The following TMC1 variants were observed in gnomAD, a reference collection of about 807,000 sequenced individuals.
TMC1 encodes transmembrane channel-like protein 1.
TMC1 carries 84 observed loss-of-function variants against 105.8 expected under a neutral mutation model. That is an observed-to-expected ratio of 0.79 (90% CI 0.67 to 0.95). The LOEUF (loss-of-function observed/expected upper bound fraction) is 0.95, where lower values mean the gene tolerates loss of function less well. TMC1 is among the 40% of genes least tolerant of loss of function. The probability of loss-of-function intolerance (pLI) is 0.00; values close to 1 mark genes in which losing one functional copy is unlikely to be tolerated. For synonymous variants in TMC1, 315 were observed against 311.5 expected, an observed-to-expected ratio of 1.01 and a Z score of -0.12; for missense variants, 817 against 914.1, an observed-to-expected ratio of 0.89 and a Z score of 1.37.
At chr9:72,802,223 G>T (rs1828484840) in intron 17 of TMC1, among the ~76,000 whole-genome samples, 1 of 150,150 alleles carries the variant, frequency 6.7e-6, no homozygotes, top group Non-Finnish European at 1.5e-5. Context: ...CAAGACCCCT[G>T]TCTCTACATA....
chr9:72,655,931 T>C, intron 5 of TMC1: 1 of 798,900 alleles, frequency 1.3e-6, no homozygotes, highest in South Asian at 1.3e-5. Context: ...AGTCAATGAG[T>C]CGCTTGTGGA....
chr9:72,769,519 C>A (rs1159736147), intron 12 of TMC1, among the ~76,000 whole-genome samples: 1 of 152,208 alleles, frequency 6.6e-6, no homozygotes, highest in Non-Finnish European at 1.5e-5. Flanking sequence ...TGTCTCCATC[C>A]ATGCTCTACT....
chr9:72,669,287 C>T (rs577029584), intron 5 of TMC1, among the ~76,000 whole-genome samples: 23 of 151,510 alleles, frequency 1.5e-4, no homozygotes, highest in Middle Eastern at 6.9e-3. Context: ...CCAGCCTGGG[C>T]GAAAGAGTAA....
intron 3 of TMC1, among the ~76,000 whole-genome samples, chr9:72,617,226 A>G (rs1250765669): frequency 1.3e-5 from 2 of 152,020 alleles, no homozygotes; most frequent in Non-Finnish European, 2.9e-5. Flanking sequence ...CAGGGGTGCT[A>G]TCTCGGCTCA....
intron 1 of TMC1, among the ~76,000 whole-genome samples, chr9:72,573,580 C>G (rs1824324370): frequency 6.6e-6 from 1 of 152,162 alleles, no homozygotes; most frequent in African/African-American, 2.4e-5. Context: ...AGGGGGCAGG[C>G]AATAGATTCC....
In TMC1 at chr9:72,827,509, C is replaced by T. The variant is rs143757751; in HGVS notation, c.2129+515C>T. Among the ~76,000 whole-genome samples the T allele has an allele frequency of 2.0e-4, 30 of 152,310 alleles. No homozygotes were observed. The East Asian group carries it at 5.8e-3, about 29-fold the overall frequency. On this transcript the variant is annotated intron_variant, in intron 21 of 23. Transcript: ENST00000297784. ...AGAGGGCCGCCAATAACTGTGTGTT[C>T]ACGATAATAGAATCAGAGGACCAGA... is the stretch of plus-strand genomic sequence containing the variant.
chr9:72,569,238 T>G (rs915272944), intron 1 of TMC1, among the ~76,000 whole-genome samples: 1 of 152,230 alleles, frequency 6.6e-6, no homozygotes, highest in African/African-American at 2.4e-5. Context: ...CTTGTTATAT[T>G]GTATTGTTTA....
intron 10 of TMC1, among the ~76,000 whole-genome samples, chr9:72,747,162 T>C (rs1827502976): frequency 6.6e-6 from 1 of 152,170 alleles, no homozygotes. Flanking sequence ...TAGCTTTGGA[T>C]AGGCAAGCCA....
Position 72,739,102 on chromosome 9 carries a change from C to CA in TMC1, c.363-1016dup, listed in dbSNP as rs1357829079. On this transcript the variant is annotated intron_variant, in intron 8 of 23. Coordinates refer to ENST00000297784, the MANE Select transcript of TMC1 (RefSeq NM_138691.3). The stretch of plus-strand genomic sequence containing the variant: ...GCTTAAACAACAGCCATTTATTTCT[C>CA]ACAGTGCTAGAGGCTGAAAGTCTAA... Among the ~76,000 whole-genome samples the CA allele has an allele frequency of 3.3e-5, 5 of 152,322 alleles. No homozygotes were observed. The East Asian group carries it at 9.6e-4, about 29-fold the overall frequency.
At chr9:72,609,192 CCTT>C (rs1391468775) in intron 2 of TMC1, among the ~76,000 whole-genome samples, 2 of 140,092 alleles carry the variant, frequency 1.4e-5, no homozygotes, top group East Asian at 4.0e-4. Context: ...TTCCTTCCTT[CCTT>C]CCTTCCTTCC....
rs3123547 is a variant in TMC1 at position 72,786,144 on chromosome 9, C to A, written c.885-2195C>A. On this transcript the variant is annotated intron_variant, in intron 13 of 23. Transcript: ENST00000297784. The stretch of plus-strand genomic sequence containing the variant: ...GCAAACTTGTCCAAGTCAAGAAATT[C>A]AGTATAAAAACCTTAGGCAGGCCAG... 4.6e-3 allele frequency among the ~76,000 whole-genome samples: 695 copies of A among 152,272 alleles called. 5 individuals carry two copies. Among genetic ancestry groups the A allele is most frequent in the African/African-American group, 0.015 (638 of 41,560 alleles).
At chr9:72,558,031 G>A (rs1457336690) in intron 1 of TMC1, among the ~76,000 whole-genome samples, 1 of 152,126 alleles carries the variant, frequency 6.6e-6, no homozygotes, top group East Asian at 1.9e-4. Context: ...GGCTTCCCTG[G>A]CACTGTAAGG....
intron 2 of TMC1, among the ~76,000 whole-genome samples, chr9:72,580,216 C>T (rs1358302352): frequency 1.3e-5 from 2 of 152,204 alleles, no homozygotes; most frequent in Non-Finnish European, 2.9e-5. Flanking sequence ...CTAAATGTTT[C>T]TCAAAGTTTA....
intron 2 of TMC1, among the ~76,000 whole-genome samples, chr9:72,592,068 C>T (rs147650610): frequency 6.6e-6 from 1 of 151,930 alleles, no homozygotes; most frequent in Non-Finnish European, 1.5e-5. Flanking sequence ...GATCACTGAT[C>T]GAGCAAAAAA....
intron 18 of TMC1, among the ~76,000 whole-genome samples, chr9:72,807,295 C>T (rs1828621768): frequency 6.6e-6 from 1 of 152,146 alleles, no homozygotes. Flanking sequence ...TAATTTTGCG[C>T]TTATAAGGTT....
Position 72,677,129 on chromosome 9 carries a change from T to TACAC in TMC1, c.17-11548_17-11545dup, listed in dbSNP as rs71495332. 8.4e-3 allele frequency among the ~76,000 whole-genome samples: 1,218 copies of TACAC among 145,214 alleles called. 10 individuals carry two copies. The highest frequency in any genetic ancestry group is 0.014 in the African/African-American group (571 of 39,562). ...CAGGGCACTCTAGGGGAACAGAAAT[T>TACAC]ACACACACACACACACACACACACA... On this transcript the variant is annotated intron_variant, in intron 5 of 23. Coordinates refer to ENST00000297784, the MANE Select transcript of TMC1 (RefSeq NM_138691.3).
Position 72,836,127 on chromosome 9 carries a change from C to A in TMC1, c.*154C>A. The stretch of plus-strand genomic sequence containing the variant: ...AGGTCATGCTGGCCAATTAAGGCAT[C>A]ATCAGTCCTACCTGAGCAACAAGAA... On this transcript the variant is annotated 3_prime_UTR_variant, in exon 24 of 24. Transcript: ENST00000297784. 1 of 848,806 alleles carries A rather than the reference C, an allele frequency of 1.2e-6. No homozygotes were observed. The highest frequency in any genetic ancestry group is 2.0e-6 in the Non-Finnish European group (1 of 499,046). 52.6% of individuals were successfully genotyped at this position (848,806 alleles called of 1,614,324 possible). A position where few individuals can be genotyped will look rare whatever the true frequency, so the allele number is the denominator to read the frequency against.
chr9:72,709,909 T>A (rs547388591), intron 8 of TMC1, among the ~76,000 whole-genome samples: 282 of 152,234 alleles, frequency 1.9e-3, no homozygotes, highest in Non-Finnish European at 3.3e-3. Flanking sequence ...ACTATTTGGG[T>A]TTGGTTTGTT....
Position 72,836,223 on chromosome 9 carries a change from T to C in TMC1, c.*250T>C. Reference sequence around the variant, plus strand: ...TCTCCCCTGCTCCATTTCGTGACTTTTTTTTTTTTTTTAACAAATTGAGTT... The same window carrying C: ...TCTCCCCTGCTCCATTTCGTGACTTCTTTTTTTTTTTTAACAAATTGAGTT... On this transcript the variant is annotated 3_prime_UTR_variant, in exon 24 of 24. Coordinates refer to ENST00000297784, the MANE Select transcript of TMC1 (RefSeq NM_138691.3). 1 of 514,926 alleles carries C rather than the reference T, an allele frequency of 1.9e-6. No homozygotes were observed. Among genetic ancestry groups the C allele is most frequent in the Non-Finnish European group, 3.5e-6 (1 of 287,984 alleles). 31.9% of individuals were successfully genotyped at this position (514,926 alleles called of 1,614,324 possible). A position where few individuals can be genotyped will look rare whatever the true frequency, so the allele number is the denominator to read the frequency against.
Sources: gnomAD v4.1 joint callset for allele counts (sites outside exome capture counted in the v4.1 genomes callset) on GRCh38, gnomAD v4.1.1 for gene constraint, MANE v1.5 for transcripts, NCBI Gene and HGNC (gene_info 2026-07-23, HGNC 2026-07-21) for gene names.